Variants in ACYP2 observed in about 807,000 individuals in gnomAD.
The protein encoded by ACYP2 is acylphosphatase 2, also known as acylphosphatase-2.
A neutral mutation model predicts 11.2 loss-of-function variants in ACYP2; 12 were observed. That is an observed-to-expected ratio of 1.08 (90% CI 0.69 to 1.74). The LOEUF (loss-of-function observed/expected upper bound fraction) is 1.74. ACYP2 is among the 40% of genes most tolerant of loss of function. The pLI, the probability that ACYP2 is intolerant of heterozygous loss-of-function variation, is 0.00. For synonymous variants in ACYP2, 43 were observed against 32.2 expected (o/e 1.33, Z -1.13); for missense variants, 134 against 101.9 (o/e 1.31, Z -1.35).
chr2:54,130,389 T>C (rs1401554629), intron 4 of ACYP2, among the ~76,000 whole-genome samples: 1 of 152,012 alleles, frequency 6.6e-6, no homozygotes, highest in African/African-American at 2.4e-5. Flanking sequence ...AGAAGTAGGA[T>C]ATGAGGTAGA....
At chr2:54,193,823 G>A (rs1269569565) in intron 6 of ACYP2, among the ~76,000 whole-genome samples, 1 of 152,110 alleles carries the variant, frequency 6.6e-6, no homozygotes, top group Admixed American at 6.6e-5. Context: ...CTGCAAATAA[G>A]TAGTAATGTA....
chr2:54,191,012 T>C (rs1684216475), intron 6 of ACYP2, among the ~76,000 whole-genome samples: 2 of 152,166 alleles, frequency 1.3e-5, no homozygotes, highest in Non-Finnish European at 2.9e-5. Context: ...CTGTTCTACT[T>C]GCAAAATATA....
At position 54,201,636 on chromosome 2, in the gene ACYP2, C is replaced by CTTTCTCTTTCTT. The variant is rs59874821; in HGVS notation, c.404+62889_404+62890insTTCTCTTTCTTT. ...TCTTTCTTTCTTTGTTTCTTTCTTT[C>CTTTCTCTTTCTT]TCTTTCTTTCTTTCTTTCTTTCTTT... On this transcript the variant is annotated intron_variant, in intron 6 of 6. Coordinates refer to ENST00000607452, the MANE Select transcript of ACYP2 (RefSeq NM_001320586.2). 2.1e-3 allele frequency among the ~76,000 whole-genome samples: 193 copies of CTTTCTCTTTCTT among 93,692 alleles called. 7 individuals are homozygous for CTTTCTCTTTCTT. Among genetic ancestry groups the CTTTCTCTTTCTT allele is most frequent in the Admixed American group, 0.012 (104 of 8,946 alleles). The allele number at this position is 93,692 out of a possible 152,430, so 61.5% of individuals were successfully genotyped here. A position where few individuals can be genotyped will look rare whatever the true frequency, so the allele number is the denominator to read the frequency against.
chr2:53,991,397 G>GT (rs1229373737), intron 2 of ACYP2, among the ~76,000 whole-genome samples: 4 of 150,610 alleles, frequency 2.7e-5, no homozygotes, highest in African/African-American at 9.8e-5. Flanking sequence ...TGGTGTATGT[G>GT]TAACTTTTTT....
chr2:54,079,879 C>G (rs1030069244), intron 4 of ACYP2: 15 of 150,056 alleles, frequency 1.0e-4, no homozygotes, highest in African/African-American at 3.4e-4. Flanking sequence ...ATCCCCAAAT[C>G]TAAAACAACA....
rs561821674 is a variant in ACYP2, at chr2:54,097,429, T to G, written c.278-38024T>G. Among the ~76,000 whole-genome samples, 5 of 152,360 alleles carry G rather than the reference T, an allele frequency of 3.3e-5. No individual in the cohort carries two copies. In the East Asian group the frequency reaches 9.6e-4, roughly 29 times the overall value. On this transcript the variant is annotated intron_variant, in intron 4 of 6. Coordinates refer to ENST00000607452, the MANE Select transcript of ACYP2 (RefSeq NM_001320586.2). ...GAATAAATGAAAACTATGAAAAGCT[T>G]GCCAGCACCACTGTTCCCCAAATCC... is the stretch of plus-strand genomic sequence containing the variant.
At chr2:54,115,362 G>A (rs1191938732) in intron 4 of ACYP2, 6 of 516,546 alleles carry the variant, frequency 1.2e-5, no homozygotes, top group South Asian at 3.2e-5. Flanking sequence ...CACAGCATCC[G>A]GCTTTTATTT....
intron 4 of ACYP2, among the ~76,000 whole-genome samples, chr2:54,116,284 G>A (rs996707071): frequency 2.0e-5 from 3 of 152,080 alleles, no homozygotes; most frequent in Non-Finnish European, 4.4e-5. Flanking sequence ...AGTTTGTAAT[G>A]TCTGGCTTGT....
intron 6 of ACYP2, among the ~76,000 whole-genome samples, chr2:54,199,285 T>TAC (rs1191205144): frequency 6.6e-6 from 1 of 152,224 alleles, no homozygotes; most frequent in Admixed American, 6.5e-5. Flanking sequence ...GTGAACACCA[T>TAC]ACCCACATGG....
At chr2:54,153,195 T>C (rs1006135459) in intron 6 of ACYP2, among the ~76,000 whole-genome samples, 1 of 152,110 alleles carries the variant, frequency 6.6e-6, no homozygotes, top group African/African-American at 2.4e-5. Flanking sequence ...CATGTGGATG[T>C]CCAGTTTTCC....
chr2:54,224,376 G>C (rs1404017147), intron 6 of ACYP2, among the ~76,000 whole-genome samples: 1 of 152,220 alleles, frequency 6.6e-6, no homozygotes, highest in Non-Finnish European at 1.5e-5. Flanking sequence ...GCAGAGAAAG[G>C]ATGCGGGGGT....
chr2:53,996,249 G>A (rs1228427881), intron 2 of ACYP2, among the ~76,000 whole-genome samples: 2 of 152,154 alleles, frequency 1.3e-5, no homozygotes, highest in African/African-American at 4.8e-5. Flanking sequence ...TTAGAGTTGT[G>A]TAGTTTTGGG....
At chr2:54,267,036 C>G (rs1297820483) in intron 6 of ACYP2, among the ~76,000 whole-genome samples, 6 of 152,164 alleles carry the variant, frequency 3.9e-5, no homozygotes, top group African/African-American at 1.4e-4. Context: ...GAGCCATTCT[C>G]AGCTACAAAA....
intron 6 of ACYP2, among the ~76,000 whole-genome samples, chr2:54,262,733 T>A (rs1031722716): frequency 4.6e-5 from 7 of 152,112 alleles, no homozygotes; most frequent in Non-Finnish European, 8.8e-5. Flanking sequence ...TTTTTAGAAA[T>A]AACTTTTTAT....
chr2:54,075,058 C>G (rs1286997014), intron 4 of ACYP2, among the ~76,000 whole-genome samples: 2 of 152,170 alleles, frequency 1.3e-5, no homozygotes, highest in Non-Finnish European at 2.9e-5. Context: ...GTCCTGGTGA[C>G]TGGATAACTT....
chr2:54,276,013 T>G (rs1471299054), intron 6 of ACYP2, among the ~76,000 whole-genome samples: 1 of 152,180 alleles, frequency 6.6e-6, no homozygotes, highest in East Asian at 1.9e-4. Flanking sequence ...AAACTAGAAC[T>G]TAAATAGCTT....
At chr2:54,005,323 A>ACTCTGTT (rs932611805) in intron 2 of ACYP2, among the ~76,000 whole-genome samples, 17 of 146,978 alleles carry the variant, frequency 1.2e-4, no homozygotes, top group Non-Finnish European at 2.4e-4. Flanking sequence ...AGATCAGTTG[A>ACTCTGTT]CTCTGTTTAT....
At chr2:54,277,959 C>T (rs574336309) in intron 6 of ACYP2, among the ~76,000 whole-genome samples, 2 of 152,042 alleles carry the variant, frequency 1.3e-5, no homozygotes, top group Admixed American at 1.3e-4. Flanking sequence ...CTACTATGCA[C>T]ATTTTAATTA....
chr2:54,224,333 G>A (rs1685918133), intron 6 of ACYP2, among the ~76,000 whole-genome samples: 1 of 152,206 alleles, frequency 6.6e-6, no homozygotes. Context: ...GGAAGGTGGA[G>A]AAGAATTTTA....
Sources: allele counts gnomAD v4.1 joint callset (sites outside exome capture counted in the v4.1 genomes callset), GRCh38; gene constraint gnomAD v4.1.1; transcripts MANE v1.5; gene names NCBI Gene and HGNC (gene_info 2026-07-23, HGNC 2026-07-21).